The following CNTNAP2 variants were observed in gnomAD, a reference collection of about 807,000 sequenced individuals.
The protein encoded by CNTNAP2 is contactin associated protein 2.
In CNTNAP2, 98 loss-of-function variants were observed where a neutral mutation model predicts 155.2. The observed-to-expected ratio is 0.63, with a 90% CI of 0.54 to 0.75. The LOEUF is 0.75. Among genes scored for constraint, CNTNAP2 ranks in the 30% least tolerant of loss-of-function variants. The pLI is 0.00. For missense variants in CNTNAP2, 1,727 were observed against 1,688.1 expected (o/e 1.02, Z -0.40); for synonymous variants, 651 against 631.2 (o/e 1.03, Z -0.47).
intron 1 of CNTNAP2, among the ~76,000 whole-genome samples, chr7:146,418,979 G>A (rs1020756537): frequency 6.6e-6 from 1 of 152,042 alleles, no homozygotes; most frequent in Non-Finnish European, 1.5e-5. Context: ...CCTTGTTGAC[G>A]CCTTAATTTT....
chr7:147,193,264 A>G lies in CNTNAP2; in HGVS notation c.1348+60755A>G, dbSNP rs187160487. 2.6e-5 allele frequency among the ~76,000 whole-genome samples: 4 copies of G among 152,290 alleles called. No individual in the cohort carries two copies. The East Asian group carries it at 7.7e-4, about 29-fold the overall frequency. ...AATGGAAGTTTAGTGCTATTAGGGAACTTGTCCAAGTTAATGTAGCTAAAA... is the reference window on the plus strand; with the variant it reads ...AATGGAAGTTTAGTGCTATTAGGGAGCTTGTCCAAGTTAATGTAGCTAAAA... On this transcript the variant is annotated intron_variant, in intron 8 of 23. Coordinates refer to ENST00000361727, the MANE Select transcript of CNTNAP2 (RefSeq NM_014141.6).
intron 9 of CNTNAP2, among the ~76,000 whole-genome samples, chr7:147,320,652 A>G (rs2692148): frequency 0.49 from 74,621 of 151,932 alleles, 19,491 homozygotes; most frequent in East Asian, 0.73. Context: ...ACTGTGAAAT[A>G]CACTCCTCTT....
rs557552951 is a variant in CNTNAP2 at position 147,427,631 on chromosome 7, T to C, written c.1670+31851T>C. ...AACAAGGAGTACATAAACTACATCA[T>C]ATTCACATTGAAAACTGAGAGAATT... is the stretch of plus-strand genomic sequence containing the variant. On this transcript the variant is annotated intron_variant, in intron 10 of 23. Transcript: ENST00000361727. 1.1e-4 allele frequency among the ~76,000 whole-genome samples: 16 copies of C among 152,286 alleles called. No homozygotes were observed. In the South Asian group the frequency reaches 2.1e-3, roughly 20 times the overall value.
Position 148,213,301 on chromosome 7 carries a change from G to A in CNTNAP2, c.3011-3987G>A, listed in dbSNP as rs545273080. Among the ~76,000 whole-genome samples, 8 of 152,306 alleles carry A rather than the reference G, an allele frequency of 5.3e-5. No individual in the cohort carries two copies. In the South Asian group the frequency reaches 1.7e-3, roughly 32 times the overall value. On this transcript the variant is annotated intron_variant, in intron 18 of 23. Transcript: ENST00000361727. ...AAGTGGTCACAGAAATGATGTGAGAGTCTCAGCTCTACATGCTCTCTGACT... is the reference window on the plus strand; with the variant it reads ...AAGTGGTCACAGAAATGATGTGAGAATCTCAGCTCTACATGCTCTCTGACT...
intron 1 of CNTNAP2, among the ~76,000 whole-genome samples, chr7:146,303,416 A>G (rs1210607774): frequency 1.3e-5 from 2 of 152,064 alleles, no homozygotes; most frequent in Non-Finnish European, 2.9e-5. Flanking sequence ...TATTGTAGTA[A>G]GCATACAACA....
chr7:147,250,402 C>G (rs1804171060), intron 8 of CNTNAP2, among the ~76,000 whole-genome samples: 1 of 151,888 alleles, frequency 6.6e-6, no homozygotes, highest in African/African-American at 2.4e-5. Context: ...AAAAAAAATG[C>G]AGATGGAGAT....
chr7:148,105,278 G>A (rs185361195), intron 15 of CNTNAP2, among the ~76,000 whole-genome samples: 1 of 152,264 alleles, frequency 6.6e-6, no homozygotes, highest in Admixed American at 6.5e-5. Context: ...GTCCAATGTG[G>A]TATATGAACT....
chr7:147,295,595 G>T (rs1379124714), intron 8 of CNTNAP2, among the ~76,000 whole-genome samples: 2 of 152,124 alleles, frequency 1.3e-5, no homozygotes, highest in Non-Finnish European at 2.9e-5. Context: ...TACTATATAT[G>T]CTGACATATA....
intron 13 of CNTNAP2, among the ~76,000 whole-genome samples, chr7:147,850,362 G>A (rs1386930949): frequency 3.3e-5 from 5 of 152,140 alleles, no homozygotes; most frequent in African/African-American, 9.7e-5. Flanking sequence ...TATAGATTCA[G>A]TGCCATCCCA....
intron 13 of CNTNAP2, among the ~76,000 whole-genome samples, chr7:147,679,351 C>G (rs1307530698): frequency 6.6e-6 from 1 of 151,822 alleles, no homozygotes; most frequent in Non-Finnish European, 1.5e-5. Context: ...CTAAATAACA[C>G]TTGTATTTTG....
chr7:147,476,307 G>A (rs1388577557), intron 10 of CNTNAP2, among the ~76,000 whole-genome samples: 2 of 151,740 alleles, frequency 1.3e-5, no homozygotes, highest in Non-Finnish European at 2.9e-5. Context: ...GGGTTTCACC[G>A]TGTTAACCAG....
At chr7:147,838,476 C>T (rs1445728585) in intron 13 of CNTNAP2, among the ~76,000 whole-genome samples, 1 of 152,096 alleles carries the variant, frequency 6.6e-6, no homozygotes. Flanking sequence ...AAACTGAATG[C>T]CTTTAAGAGC....
chr7:147,907,278 G>A (rs901058341), intron 14 of CNTNAP2, among the ~76,000 whole-genome samples: 9 of 151,864 alleles, frequency 5.9e-5, no homozygotes, highest in Non-Finnish European at 8.8e-5. Context: ...GGATAGTCTC[G>A]ATCTCCTGAC....
intron 12 of CNTNAP2, among the ~76,000 whole-genome samples, chr7:147,569,367 C>A (rs181310563): frequency 1.3e-5 from 2 of 150,780 alleles, no homozygotes; most frequent in African/African-American, 4.9e-5. Flanking sequence ...CCACCTCCCC[C>A]TCCCCGTGTC....
At chr7:146,832,871 T>A (rs1184750159) in intron 2 of CNTNAP2, among the ~76,000 whole-genome samples, 1 of 151,902 alleles carries the variant, frequency 6.6e-6, no homozygotes, top group Non-Finnish European at 1.5e-5. Context: ...AATTTTTGTA[T>A]ATTTTTTTAG....
intron 3 of CNTNAP2, among the ~76,000 whole-genome samples, chr7:146,872,589 A>G (rs1376297860): frequency 6.6e-6 from 1 of 152,194 alleles, no homozygotes; most frequent in East Asian, 1.9e-4. Flanking sequence ...TAGTTCTCAA[A>G]AATACTGAGA....
chr7:147,148,746 G>A (rs1375807588), intron 8 of CNTNAP2, among the ~76,000 whole-genome samples: 2 of 152,064 alleles, frequency 1.3e-5, no homozygotes, highest in Non-Finnish European at 2.9e-5. Flanking sequence ...TGGCACATCT[G>A]GAGTTGTTTA....
intron 13 of CNTNAP2, among the ~76,000 whole-genome samples, chr7:147,876,119 G>A (rs760662398): frequency 3.9e-5 from 6 of 152,090 alleles, no homozygotes; most frequent in Admixed American, 1.3e-4. Flanking sequence ...ACAACCTACC[G>A]GAAGAGAACA....
intron 15 of CNTNAP2, among the ~76,000 whole-genome samples, chr7:148,109,584 A>G (rs925208214): frequency 6.6e-6 from 1 of 152,172 alleles, no homozygotes; most frequent in East Asian, 1.9e-4. Flanking sequence ...GGGTTTCTCC[A>G]TGTTGGTCAG....
Sources: gnomAD v4.1 joint callset for allele counts (sites outside exome capture counted in the v4.1 genomes callset) on GRCh38, gnomAD v4.1.1 for gene constraint, MANE v1.5 for transcripts, NCBI Gene and HGNC (gene_info 2026-07-23, HGNC 2026-07-21) for gene names.